Variants in USH2A observed in about 807,000 individuals in gnomAD.
USH2A encodes usherin, also known as Usher syndrome 2A (autosomal recessive, mild).
Under a neutral mutation model 538.9 loss-of-function variants are expected in USH2A, and 443 were observed. The ratio of observed to expected loss-of-function variants is 0.82; its 90% CI spans 0.76 to 0.89. USH2A has a LOEUF of 0.89. USH2A is among the 40% of genes least tolerant of loss of function. The pLI is 0.00. For synonymous variants in USH2A, 2,413 were observed against 2,273.5 expected, an observed-to-expected ratio of 1.06 and a Z score of -1.75; for missense variants, 6,633 against 6,324.8, an observed-to-expected ratio of 1.05 and a Z score of -1.65.
chr1:216,068,720 G>GA (rs915685276), intron 30 of USH2A, among the ~76,000 whole-genome samples: 1 of 151,610 alleles, frequency 6.6e-6, no homozygotes, highest in African/African-American at 2.4e-5. Flanking sequence ...AAACAGAAAG[G>GA]AAAAAAAGCG....
Position 215,674,219 on chromosome 1 carries a change from A to T in USH2A, c.13692T>A (p.Asn4564Lys), listed in dbSNP as rs1165421033. 1 of 1,614,078 alleles carries T rather than the reference A, an allele frequency of 6.2e-7. No individual in the cohort carries two copies. Among genetic ancestry groups the T allele is most frequent in the Non-Finnish European group, 8.5e-7 (1 of 1,180,040 alleles). The change falls in exon 63 of 72, where the codon AAT becomes AAA. Residue 4564 changes from asparagine (N) to lysine (K), a missense_variant. Coordinates refer to ENST00000307340, the MANE Select transcript of USH2A (RefSeq NM_206933.4). ...ATAGTTCACGGATGAAGAGGGTATAATTGATGATATCACCATTTGTTCTCA... is the reference window on the plus strand; with the variant it reads ...ATAGTTCACGGATGAAGAGGGTATATTTGATGATATCACCATTTGTTCTCA... ...PPVRTNGDIINYTLFIRELFE... is the reference protein window; with the variant it reads ...PPVRTNGDIIKYTLFIRELFE...
chr1:215,924,110 T>C (rs1666174192), intron 38 of USH2A, among the ~76,000 whole-genome samples: 1 of 152,096 alleles, frequency 6.6e-6, no homozygotes, highest in South Asian at 2.1e-4. Context: ...ATAGTATACA[T>C]TTGAAAATGG....
At position 216,292,377 on chromosome 1, in the gene USH2A, C is replaced by CA. The variant is rs763490382; in HGVS notation, c.1645-8dup. On this transcript the variant is annotated splice_region_variant and splice_polypyrimidine_tract_variant and intron_variant, in intron 9 of 71. Transcript: ENST00000307340. ...GAGGCAAGCAGCGATCACACTAGAA[C>CA]AAAAAATATCAGAACAGTAAAGAAA... 8.7e-6 allele frequency: 14 copies of CA among 1,612,884 alleles called. No individual in the cohort carries two copies. The highest frequency in any genetic ancestry group is 1.2e-5 in the Non-Finnish European group (14 of 1,179,522).
Position 215,817,096 on chromosome 1 carries a change from T to A in USH2A, c.9471A>T (p.Gln3157His), listed in dbSNP as rs1308153068. ...WKTWYPCAKT[Q>H]KLVQDQSDEL... Reference sequence around the variant, plus strand: ...CATCACTCTGATCCTGCACTAACTTTTGAGTTTTAGCGCATGGATACCATG... The same window carrying A: ...CATCACTCTGATCCTGCACTAACTTATGAGTTTTAGCGCATGGATACCATG... The change falls in exon 48 of 72, where the codon CAA (glutamine) becomes CAT (histidine). Residue 3157 changes from glutamine (Q) to histidine (H), a missense_variant. Physicochemically the swap from Gln to His is conservative, Grantham distance 24. Transcript: ENST00000307340. 3 of 1,612,768 alleles carry A rather than the reference T, an allele frequency of 1.9e-6. No individual in the cohort carries two copies. The African/African-American group carries it at 4.0e-5, about 22-fold the overall frequency.
At chr1:216,404,755 G>A (rs2039364478) in intron 3 of USH2A, among the ~76,000 whole-genome samples, 1 of 151,412 alleles carries the variant, frequency 6.6e-6, no homozygotes, top group Non-Finnish European at 1.5e-5. Flanking sequence ...TGAGCAGTTG[G>A]GACTACAGGT....
chr1:215,704,114 C>T (rs371988608), intron 61 of USH2A, among the ~76,000 whole-genome samples: 1 of 152,196 alleles, frequency 6.6e-6, no homozygotes, highest in Non-Finnish European at 1.5e-5. Flanking sequence ...GACGCCCCAC[C>T]CTGCTTCTGC....
intron 29 of USH2A, 142 bp from the exon 30 acceptor site, chr1:216,070,434 A>T (rs1439386307): frequency 3.7e-6 from 3 of 805,116 alleles, no homozygotes; most frequent in Non-Finnish European, 6.2e-6. Context: ...ACTTTTCAGC[A>T]TTGATTTAAT....
intron 15 of USH2A, among the ~76,000 whole-genome samples, chr1:216,214,444 CA>C (rs147430903): frequency 0.02 from 2,974 of 152,030 alleles, 81 homozygotes; most frequent in African/African-American, 0.068. Context: ...CTATACATTG[CA>C]AAAAGTCTAA....
At chr1:216,010,626 C>T (rs1009755757) in intron 32 of USH2A, among the ~76,000 whole-genome samples, 2 of 152,040 alleles carry the variant, frequency 1.3e-5, no homozygotes, top group Non-Finnish European at 1.5e-5. Context: ...GTTTCCCTTG[C>T]CTCCATAACT....
chr1:216,021,260 C>T (rs142611472), intron 32 of USH2A, among the ~76,000 whole-genome samples: 455 of 152,190 alleles, frequency 3.0e-3, no homozygotes, highest in African/African-American at 1.0e-2. Context: ...ATAATTCCCA[C>T]GTGTTGTGGG....
At chr1:216,363,838 A>G (rs1027438151) in intron 4 of USH2A, among the ~76,000 whole-genome samples, 4 of 151,906 alleles carry the variant, frequency 2.6e-5, no homozygotes, top group Admixed American at 6.6e-5. Flanking sequence ...ATTTATTTTT[A>G]GAAGGCTCAG....
chr1:215,965,906 A>C, intron 36 of USH2A, among the ~76,000 whole-genome samples: 1 of 139,492 alleles, frequency 7.2e-6, no homozygotes, highest in South Asian at 2.3e-4. Flanking sequence ...ACATATCTTG[A>C]CTCTCTCTCT....
Position 215,758,748 on chromosome 1 carries a change from T to G in USH2A, c.11236A>C (p.Thr3746Pro). 1 of 1,613,744 alleles carries G rather than the reference T, an allele frequency of 6.2e-7. No individual in the cohort carries two copies. Among genetic ancestry groups the G allele is most frequent in the Non-Finnish European group, 8.5e-7 (1 of 1,179,860 alleles). ...DKNLEPNSRY[T>P]YKLEVKTGGG... ...CCAGTTTTGACTTCTAACTTGTAAG[T>G]GTATCTATATTTAAAAAGAAAGAAG... is the stretch of plus-strand genomic sequence containing the variant. The change falls in exon 58 of 72, where the codon ACT (threonine) becomes CCT (proline). Residue 3746 changes from threonine (T) to proline (P), a missense_variant. Thr to Pro is a conservative substitution (Grantham distance 38). Coordinates refer to ENST00000307340, the MANE Select transcript of USH2A (RefSeq NM_206933.4).
At chr1:216,272,802 G>T (rs1381917962) in intron 11 of USH2A, among the ~76,000 whole-genome samples, 1 of 152,060 alleles carries the variant, frequency 6.6e-6, no homozygotes, top group East Asian at 1.9e-4. Context: ...TGAGAAAGAG[G>T]GAGAAATGGA....
At chr1:216,347,966 C>T (rs781226665) in intron 4 of USH2A, among the ~76,000 whole-genome samples, 5 of 152,096 alleles carry the variant, frequency 3.3e-5, no homozygotes, top group Non-Finnish European at 7.4e-5. Context: ...GAGTTAACTG[C>T]ATGGGCTGAA....
intron 46 of USH2A, among the ~76,000 whole-genome samples, chr1:215,843,326 G>T (rs6660165): frequency 6.6e-6 from 1 of 152,142 alleles, no homozygotes; most frequent in African/African-American, 2.4e-5. Context: ...TTCTCTAAAT[G>T]TGGGGTTTCT....
chr1:215,753,712 A>T (rs1660696359), intron 58 of USH2A, among the ~76,000 whole-genome samples: 1 of 152,182 alleles, frequency 6.6e-6, no homozygotes, highest in Non-Finnish European at 1.5e-5. Flanking sequence ...CCTAATGTTA[A>T]ATGACGAGTT....
At chr1:216,142,533 A>G (rs930004471) in intron 21 of USH2A, among the ~76,000 whole-genome samples, 2 of 152,164 alleles carry the variant, frequency 1.3e-5, no homozygotes, top group African/African-American at 4.8e-5. Context: ...CTATGCACTT[A>G]GCAGTTTTGT....
At chr1:216,067,042 G>A (rs1019294248) in intron 30 of USH2A, among the ~76,000 whole-genome samples, 11 of 152,062 alleles carry the variant, frequency 7.2e-5, no homozygotes, top group East Asian at 1.9e-4. Context: ...TAATTACAAC[G>A]GTAATTGTTG....
Sources: allele counts gnomAD v4.1 joint callset (sites outside exome capture counted in the v4.1 genomes callset), GRCh38; gene constraint gnomAD v4.1.1; transcripts MANE v1.5; gene names NCBI Gene and HGNC (gene_info 2026-07-23, HGNC 2026-07-21).